Variants in CARMIL1 observed in about 807,000 individuals in gnomAD.
CARMIL1 encodes the protein F-actin-uncapping protein LRRC16A.
Under a neutral mutation model 177.1 loss-of-function variants are expected in CARMIL1, and 90 were observed. That is an observed-to-expected ratio of 0.51 (90% CI 0.43 to 0.61). CARMIL1 has a LOEUF of 0.61. Ranked by LOEUF, CARMIL1 falls within the 20% of genes least tolerant of loss-of-function variation. The probability of loss-of-function intolerance (pLI) is 0.00; values close to 1 mark genes in which losing one functional copy is unlikely to be tolerated. For synonymous variants in CARMIL1, 577 were observed against 606.2 expected (o/e 0.95, Z 0.71); for missense variants, 1,380 against 1,667.0 (o/e 0.83, Z 3.00).
At chr6:25,501,739 TCATA>T in intron 17 of CARMIL1, among the ~76,000 whole-genome samples, 1 of 152,258 alleles carries the variant, frequency 6.6e-6, no homozygotes, top group East Asian at 1.9e-4. Flanking sequence ...AGTATTTATG[TCATA>T]CTATATTTTG....
chr6:25,310,105 T>G (rs1478724209), intron 2 of CARMIL1, among the ~76,000 whole-genome samples: 1 of 152,134 alleles, frequency 6.6e-6, no homozygotes, highest in Non-Finnish European at 1.5e-5. Context: ...TAATAGATTG[T>G]GGGTTGTTTC....
chr6:25,321,744 C>T (rs539635938), intron 2 of CARMIL1, among the ~76,000 whole-genome samples: 105 of 150,402 alleles, frequency 7.0e-4, no homozygotes, highest in African/African-American at 2.4e-3. Context: ...CTGCAACCTC[C>T]GCCTCCTGGG....
intron 26 of CARMIL1, among the ~76,000 whole-genome samples, chr6:25,548,341 A>G (rs1809725582): frequency 6.6e-6 from 1 of 152,144 alleles, no homozygotes; most frequent in African/African-American, 2.4e-5. Context: ...ACAGTAAAGA[A>G]CTTAGCAAGA....
chr6:25,336,184 G>A (rs1324705438), intron 2 of CARMIL1, among the ~76,000 whole-genome samples: 3 of 151,712 alleles, frequency 2.0e-5, no homozygotes, highest in Non-Finnish European at 2.9e-5. Context: ...TCGCTTTCTA[G>A]CTGTTTCTCC....
intron 2 of CARMIL1, among the ~76,000 whole-genome samples, chr6:25,347,463 G>T (rs1787633705): frequency 6.6e-6 from 1 of 152,180 alleles, no homozygotes; most frequent in African/African-American, 2.4e-5. Flanking sequence ...TTCCCTTAGT[G>T]TCATAGTTAA....
rs1340282200 is a variant in CARMIL1 at position 25,395,323 on chromosome 6, G to A, written c.139-24791G>A. Reference sequence around the variant, plus strand: ...TAGTCAACATTGGTTGAGTGACAGAGTAAATAAGGCATCTTCTGTTATAAA... The same window carrying A: ...TAGTCAACATTGGTTGAGTGACAGAATAAATAAGGCATCTTCTGTTATAAA... On this transcript the variant is annotated intron_variant, in intron 2 of 36. Transcript: ENST00000329474. 2.6e-5 allele frequency among the ~76,000 whole-genome samples: 4 copies of A among 152,164 alleles called. 1 individual carries two copies. Among genetic ancestry groups the A allele is most frequent in the Non-Finnish European group, 5.9e-5 (4 of 68,006 alleles).
intron 17 of CARMIL1, among the ~76,000 whole-genome samples, chr6:25,504,491 G>T (rs1050451244): frequency 6.6e-6 from 1 of 152,022 alleles, no homozygotes; most frequent in Admixed American, 6.6e-5. Context: ...TTTCCTGTGG[G>T]TATTTAGAAC....
rs9467533 is a variant in CARMIL1, at chr6:25,577,428, T to A, written c.2743-3496T>A. Among the ~76,000 whole-genome samples, 1,932 of 152,230 alleles carry A rather than the reference T, an allele frequency of 0.013. 27 individuals carry two copies. Among genetic ancestry groups the A allele is most frequent in the African/African-American group, 0.034 (1,426 of 41,514 alleles). On this transcript the variant is annotated intron_variant, in intron 29 of 36. Transcript: ENST00000329474. This position sits in a 1 kb window ranked among gnomAD's most constrained non-coding sequence, Gnocchi z 4.5. ...TTATATTAGGAGAACTTTCCTAATC[T>A]TCTTCTCAGCTGGTATTGTTATTTT...
chr6:25,343,995 C>T (rs1468092289), intron 2 of CARMIL1, among the ~76,000 whole-genome samples: 2 of 152,162 alleles, frequency 1.3e-5, no homozygotes, highest in African/African-American at 4.8e-5. Flanking sequence ...GTCCTCTGCT[C>T]TTCCACGTGG....
At chr6:25,586,921 C>T (rs1159989240) in intron 31 of CARMIL1, among the ~76,000 whole-genome samples, 1 of 151,608 alleles carries the variant, frequency 6.6e-6, no homozygotes, top group South Asian at 2.1e-4. Context: ...CCAGCCTCGG[C>T]TCGGCATCAG....
At chr6:25,416,833 T>G in intron 2 of CARMIL1, among the ~76,000 whole-genome samples, 1 of 152,196 alleles carries the variant, frequency 6.6e-6, no homozygotes, top group Non-Finnish European at 1.5e-5. Context: ...AATGTGATGT[T>G]GAGACCTTTC....
rs779489756 is a variant in CARMIL1 at position 25,600,598 on chromosome 6, G to A, written c.3404G>A (p.Ser1135Asn). The change falls in exon 33 of 37, where the codon AGT becomes AAT. Residue 1135 changes from serine (S) to asparagine (N), a missense_variant. By Grantham distance (46) the Ser-to-Asn change is conservative. Coordinates refer to ENST00000329474, the MANE Select transcript of CARMIL1 (RefSeq NM_017640.6). ...EIKTPDSFEE[S>N]QGEEIGKVER... is the part of the protein sequence containing the mutation. ...AAAACACCTGACTCCTTTGAAGAGA[G>A]TCAAGGGGAAGAAATAGGGAAGGTG... is the stretch of plus-strand genomic sequence containing the variant. 16 of 1,613,896 alleles carry A rather than the reference G, an allele frequency of 9.9e-6. No homozygotes were observed.
At position 25,509,327 on chromosome 6, in the gene CARMIL1, A is replaced by G. The variant is rs190873735; in HGVS notation, c.1396-329A>G. Among the ~76,000 whole-genome samples, 1,023 of 152,324 alleles carry G rather than the reference A, an allele frequency of 6.7e-3. 38 individuals are homozygous for G. Among genetic ancestry groups the G allele is most frequent in the Non-Finnish European group, 1.8e-3 (122 of 68,014 alleles). On this transcript the variant is annotated intron_variant, in intron 17 of 36. Transcript: ENST00000329474. This position sits in a 1 kb window ranked among gnomAD's most constrained non-coding sequence, Gnocchi z 4.1. ...TATAAAATGAATTTATTAAATTTCC[A>G]AAAGTCAGAAATGAAGAAATTCTTC...
chr6:25,475,527 T>C (rs1028317512), intron 11 of CARMIL1, among the ~76,000 whole-genome samples: 1 of 152,204 alleles, frequency 6.6e-6, no homozygotes, highest in Non-Finnish European at 1.5e-5. Flanking sequence ...TTTGTAGCAG[T>C]ATTAGTTATA....
At chr6:25,567,024 G>A (rs561183769) in intron 29 of CARMIL1, among the ~76,000 whole-genome samples, 92 of 152,218 alleles carry the variant, frequency 6.0e-4, no homozygotes, top group African/African-American at 2.1e-3. Flanking sequence ...AGCCAGGTGT[G>A]GTAGCTATTT....
At chr6:25,518,154 A>G (rs1273551813) in intron 22 of CARMIL1, among the ~76,000 whole-genome samples, 4 of 152,128 alleles carry the variant, frequency 2.6e-5, no homozygotes, top group African/African-American at 7.2e-5. Flanking sequence ...AGGGGAGGAA[A>G]TGCTCATTAT....
intron 8 of CARMIL1, among the ~76,000 whole-genome samples, chr6:25,461,055 T>G (rs1445707952): frequency 6.6e-6 from 1 of 152,214 alleles, no homozygotes; most frequent in Non-Finnish European, 1.5e-5. Context: ...GTATGCCTAT[T>G]TTGATTGGCA....
At position 25,619,501 on chromosome 6, in the gene CARMIL1, G is replaced by C. The variant is rs994391589; in HGVS notation, c.4034G>C (p.Arg1345Pro). 5.6e-6 allele frequency: 9 copies of C among 1,613,768 alleles called. No individual in the cohort carries two copies. In the East Asian group the frequency reaches 1.8e-4, roughly 32 times the overall value. Residue 1345 changes from arginine to proline, a missense_variant, in exon 37 of 37, where the codon CGG (arginine) becomes CCG (proline). Physicochemically the swap from Arg to Pro is moderately radical, Grantham distance 103 (BLOSUM62 -2). Transcript: ENST00000329474. ...CAGGAGTATCAAGAACAAAAGCAAC[G>C]GTCCTCCAGTAAAGATGGCCATCAA... The part of the protein sequence containing the change: ...QAQEYQEQKQ[R>P]SSSKDGHQGS...
At chr6:25,370,459 A>T (rs779050189) in intron 2 of CARMIL1, among the ~76,000 whole-genome samples, 9 of 152,238 alleles carry the variant, frequency 5.9e-5, no homozygotes, top group Non-Finnish European at 1.2e-4. Context: ...CAGTTGTCAA[A>T]TATAAAGACA....
Sources: gnomAD v4.1 joint callset for allele counts (sites outside exome capture counted in the v4.1 genomes callset) on GRCh38, gnomAD v4.1.1 for gene constraint, Gnocchi (gnomAD v3.1) non-coding constraint, MANE v1.5 for transcripts, NCBI Gene and HGNC (gene_info 2026-07-23, HGNC 2026-07-21) for gene names.